PACSIN2: variants seen among roughly 807,000 people sequenced by gnomAD.
PACSIN2 encodes protein kinase C and casein kinase substrate in neurons protein 2.
A neutral mutation model predicts 63.8 loss-of-function variants in PACSIN2; 25 were observed. The observed-to-expected ratio is 0.39, with a 90% CI of 0.29 to 0.55. PACSIN2 has a LOEUF of 0.55. Among genes scored for constraint, PACSIN2 ranks in the 20% least tolerant of loss-of-function variants. The pLI is 0.62. For synonymous variants in PACSIN2, 255 were observed against 256.2 expected (o/e 1.00, Z 0.05); for missense variants, 518 against 646.9 (o/e 0.80, Z 2.16).
intron 1 of PACSIN2, among the ~76,000 whole-genome samples, chr22:43,005,263 T>C (rs1055272424): frequency 1.3e-5 from 2 of 152,216 alleles, no homozygotes; most frequent in Non-Finnish European, 2.9e-5. Context: ...CTTCCAATCC[T>C]GAGTCACTAC....
At chr22:42,990,968 G>A (rs575834508) in intron 1 of PACSIN2, among the ~76,000 whole-genome samples, 1 of 152,268 alleles carries the variant, frequency 6.6e-6, no homozygotes, top group Non-Finnish European at 1.5e-5. Flanking sequence ...AAAATGGACA[G>A]CAGCCACCTC....
intron 1 of PACSIN2, among the ~76,000 whole-genome samples, chr22:42,976,583 T>C (rs73889006): frequency 0.026 from 3,902 of 152,364 alleles, 165 homozygotes; most frequent in African/African-American, 0.09. Flanking sequence ...GTAGATTCTA[T>C]GACTGTTTTA....
intron 1 of PACSIN2, among the ~76,000 whole-genome samples, chr22:42,923,670 GC>G (rs545892378): frequency 2.0e-4 from 30 of 152,192 alleles, no homozygotes; most frequent in African/African-American, 6.0e-4. Context: ...CTCGTGATCC[GC>G]CCGCCTCGGC....
intron 1 of PACSIN2, among the ~76,000 whole-genome samples, chr22:42,970,969 C>G (rs1921213979): frequency 6.6e-6 from 1 of 152,198 alleles, no homozygotes; most frequent in African/African-American, 2.4e-5. Context: ...CTCCACAGCC[C>G]TCTCTGCTAC....
At chr22:42,875,676 T>C (rs1268835400) in intron 10 of PACSIN2, among the ~76,000 whole-genome samples, 1 of 152,110 alleles carries the variant, frequency 6.6e-6, no homozygotes, top group Non-Finnish European at 1.5e-5. Context: ...ACTGTGATTA[T>C]AGATGCCCCG....
intron 2 of PACSIN2, among the ~76,000 whole-genome samples, chr22:42,902,127 G>T (rs1168516248): frequency 2.0e-5 from 3 of 152,248 alleles, no homozygotes; most frequent in Admixed American, 2.0e-4. Context: ...CCATGCGACT[G>T]TCCCTCATGG....
chr22:42,990,412 GCAGTC>G (rs1341529117), intron 1 of PACSIN2, among the ~76,000 whole-genome samples: 12 of 152,242 alleles, frequency 7.9e-5, no homozygotes, highest in Admixed American at 6.5e-4. Flanking sequence ...AATACAAAAT[GCAGTC>G]CCCTGCCCTC....
At chr22:42,990,955 T>A (rs985189388) in intron 1 of PACSIN2, among the ~76,000 whole-genome samples, 2 of 152,172 alleles carry the variant, frequency 1.3e-5, no homozygotes, top group African/African-American at 4.8e-5. Context: ...TTTCCTCATC[T>A]GTAAAATGGA....
chr22:42,962,993 G>A (rs1421805603), intron 1 of PACSIN2, among the ~76,000 whole-genome samples: 1 of 152,194 alleles, frequency 6.6e-6, no homozygotes, highest in Non-Finnish European at 1.5e-5. Context: ...TGATACAGCT[G>A]CCCGACCACT....
At chr22:42,987,449 A>C (rs193149307) in intron 1 of PACSIN2, among the ~76,000 whole-genome samples, 386 of 87,084 alleles carry the variant, frequency 4.4e-3, no homozygotes, top group Non-Finnish European at 6.8e-3. Flanking sequence ...GTCCAGGAGC[A>C]ACACACACAC....
At chr22:42,944,248 C>G (rs1211018836) in intron 1 of PACSIN2, among the ~76,000 whole-genome samples, 2 of 152,176 alleles carry the variant, frequency 1.3e-5, no homozygotes, top group Non-Finnish European at 2.9e-5. Context: ...ACACACAGAT[C>G]AAGCGAGAAA....
chr22:42,919,329 G>C (rs569985649), intron 1 of PACSIN2, among the ~76,000 whole-genome samples: 2 of 152,122 alleles, frequency 1.3e-5, no homozygotes, highest in African/African-American at 4.8e-5. Context: ...GAGGCTCGGG[G>C]CGACAGCTGT....
At chr22:42,923,346 A>T (rs933945346) in intron 1 of PACSIN2, among the ~76,000 whole-genome samples, 5 of 152,220 alleles carry the variant, frequency 3.3e-5, no homozygotes, top group African/African-American at 1.2e-4. Flanking sequence ...GCAGAGTAAA[A>T]GCCCAGGTCC....
At position 42,912,045 on chromosome 22, in the gene PACSIN2, T is replaced by A. The variant is rs758351401; in HGVS notation, c.36A>T (p.Glu12Asp). The A allele has an allele frequency of 6.2e-7, 1 of 1,605,698 alleles. No individual in the cohort carries two copies. The highest frequency in any genetic ancestry group is 1.1e-5 in the South Asian group (1 of 89,242). ...CCTCCCAGAAGCTGTCGCTGGACAC[T>A]TCTACTCCAACGGAATCATCATATG... ...SVTYDDSVGV[E>D]VSSDSFWEVG... Residue 12 changes from glutamate (E) to aspartate (D), a missense_variant, in exon 2 of 11, where the codon GAA becomes GAT. Glu to Asp is a conservative substitution (Grantham distance 45, BLOSUM62 2). Around this residue, in one of 2 missense-constraint regions of PACSIN2, gnomAD observed 507 missense variants for 612.3 expected, o/e 0.83. Transcript: ENST00000263246.
At chr22:42,920,034 G>A (rs765298121) in intron 1 of PACSIN2, among the ~76,000 whole-genome samples, 4 of 152,012 alleles carry the variant, frequency 2.6e-5, no homozygotes, top group Non-Finnish European at 5.9e-5. Flanking sequence ...CTTGAGCCCA[G>A]GAGCTGGAGG....
intron 1 of PACSIN2, among the ~76,000 whole-genome samples, chr22:42,969,915 AG>A (rs1424827709): frequency 3.3e-5 from 3 of 92,086 alleles, no homozygotes; most frequent in Admixed American, 1.4e-4. Context: ...AAAAAAAAAA[AG>A]AAAAAGAAAA....
chr22:42,913,480 CAAAAAAAAA>C (rs138842796), intron 1 of PACSIN2, among the ~76,000 whole-genome samples: 7 of 93,120 alleles, frequency 7.5e-5, no homozygotes, highest in East Asian at 5.1e-4. Context: ...ACTCCGTCTC[CAAAAAAAAA>C]AAAAAAAAAA....
At chr22:42,995,233 A>G (rs1923317866) in intron 1 of PACSIN2, among the ~76,000 whole-genome samples, 1 of 152,276 alleles carries the variant, frequency 6.6e-6, no homozygotes, top group African/African-American at 2.4e-5. Context: ...CATGTTTCAC[A>G]ATAACTCCAG....
chr22:42,898,499 G>A (rs1217328410), intron 2 of PACSIN2, among the ~76,000 whole-genome samples: 3 of 152,114 alleles, frequency 2.0e-5, no homozygotes, highest in Non-Finnish European at 2.9e-5. Context: ...TCAAACTCCC[G>A]AACTCAGGTG....
Sources: gnomAD v4.1 joint callset for allele counts (sites outside exome capture counted in the v4.1 genomes callset) on GRCh38, gnomAD v4.1.1 for gene constraint, gnomAD v4.1.1 regional missense constraint, MANE v1.5 for transcripts, NCBI Gene and HGNC (gene_info 2026-07-23, HGNC 2026-07-21) for gene names.